Variants in RBPJ observed in about 807,000 individuals in gnomAD.
RBPJ encodes the protein recombination signal binding protein for immunoglobulin kappa J region.
Under a neutral mutation model 67.8 loss-of-function variants are expected in RBPJ, and 9 were observed. The ratio of observed to expected loss-of-function variants is 0.13; its 90% CI spans 0.08 to 0.23. The LOEUF (loss-of-function observed/expected upper bound fraction) is 0.23, where lower values mean the gene tolerates loss of function less well. Ranked by LOEUF, RBPJ falls within the 10% of genes least tolerant of loss-of-function variation. The pLI, the probability that RBPJ is intolerant of heterozygous loss-of-function variation, is 1.00. For synonymous variants in RBPJ, 198 were observed against 203.3 expected (o/e 0.97, Z 0.22); for missense variants, 305 against 595.6 (o/e 0.51, Z 5.08).
intron 1 of RBPJ, among the ~76,000 whole-genome samples, chr4:26,204,059 C>A (rs1718080847): frequency 6.6e-6 from 1 of 152,198 alleles, no homozygotes; most frequent in African/African-American, 2.4e-5. Context: ...ATCCTCCCGC[C>A]TCAGCCTCCC....
chr4:26,284,853 CT>C lies in RBPJ; in HGVS notation c.-166-77591del, dbSNP rs554776225. ...TCCTCCATCCCCAGAACAGGTTAAA[CT>C]TAACTTTTTTTTTTTCTTTTGAAAT... On this transcript the variant is annotated intron_variant, in intron 1 of 4. Transcript: ENST00000512351. Among the ~76,000 whole-genome samples the C allele has an allele frequency of 3.8e-3, 577 of 150,958 alleles. 1 individual carries two copies. The highest frequency in any genetic ancestry group is 6.8e-3 in the Middle Eastern group (2 of 292).
intron 1 of RBPJ, among the ~76,000 whole-genome samples, chr4:26,353,929 TTTTG>T (rs972380353): frequency 4.7e-5 from 7 of 150,442 alleles, no homozygotes; most frequent in Non-Finnish European, 7.4e-5. Flanking sequence ...TCTTTTGTTT[TTTTG>T]TTTGTTTGTT....
At chr4:26,107,481 ACAG>A in the RBPJ span, among the ~76,000 whole-genome samples, 1 of 152,260 alleles carries the variant, frequency 6.6e-6, no homozygotes, top group Non-Finnish European at 1.5e-5. Flanking sequence ...AAGACAACAC[ACAG>A]CAGACTTCAC....
At chr4:26,259,919 C>T (rs890719655) in intron 1 of RBPJ, among the ~76,000 whole-genome samples, 1 of 152,204 alleles carries the variant, frequency 6.6e-6, no homozygotes, top group African/African-American at 2.4e-5. Flanking sequence ...TTTCATGAAG[C>T]ATCTGTGATT....
At chr4:26,272,802 A>C (rs1440939462) in intron 1 of RBPJ, 1 of 434,264 alleles carries the variant, frequency 2.3e-6, no homozygotes, top group South Asian at 1.7e-5. Flanking sequence ...GATGGAGGAA[A>C]GTCCTATTGG....
At chr4:26,376,554 C>T (rs1474181759) in intron 1 of RBPJ, among the ~76,000 whole-genome samples, 1 of 152,152 alleles carries the variant, frequency 6.6e-6, no homozygotes, top group Non-Finnish European at 1.5e-5. Context: ...GAGTTGTTTT[C>T]CACCTTTTGG....
At chr4:26,109,466 A>C in the RBPJ span, among the ~76,000 whole-genome samples, 246 of 30,672 alleles carry the variant, frequency 8.0e-3, 15 homozygotes, top group African/African-American at 0.03. Flanking sequence ...CTCTCTATAT[A>C]TATATATATA....
chr4:26,184,762 G>A (rs1717166759), intron 1 of RBPJ, among the ~76,000 whole-genome samples: 1 of 152,200 alleles, frequency 6.6e-6, no homozygotes, highest in African/African-American at 2.4e-5. Context: ...GCATGGAAAA[G>A]TCCCATAGTT....
intron 1 of RBPJ, chr4:26,359,772 T>TCCCGTGAGCACCCC (rs887034368): frequency 2.0e-5 from 3 of 152,090 alleles, no homozygotes; most frequent in African/African-American, 7.2e-5. Flanking sequence ...ACCCTCGGCG[T>TCCCGTGAGCACCCC]CCCGTGAGCA....
At chr4:26,107,776 T>C in the RBPJ span, among the ~76,000 whole-genome samples, 1 of 152,186 alleles carries the variant, frequency 6.6e-6, no homozygotes, top group Non-Finnish European at 1.5e-5. Context: ...TGCACACCTG[T>C]AGTCCCAGCT....
chr4:26,389,414 G>A (rs1731264818), intron 2 of RBPJ, among the ~76,000 whole-genome samples: 1 of 151,322 alleles, frequency 6.6e-6, no homozygotes, highest in African/African-American at 2.4e-5. Flanking sequence ...CAGAGCAAGT[G>A]CTTTGAAGTG....
chr4:26,312,324 G>T (rs1389402401), intron 1 of RBPJ, among the ~76,000 whole-genome samples: 1 of 152,038 alleles, frequency 6.6e-6, no homozygotes, highest in Non-Finnish European at 1.5e-5. Context: ...GTAGAAACGG[G>T]GTTTCACTGT....
intron 4 of RBPJ, among the ~76,000 whole-genome samples, chr4:26,418,376 T>C (rs1425010969): frequency 6.6e-6 from 1 of 152,212 alleles, no homozygotes; most frequent in Non-Finnish European, 1.5e-5. Context: ...ATTTGAGTAG[T>C]TTGTGGTCAG....
At chr4:26,187,215 C>A (rs1172364843) in intron 1 of RBPJ, among the ~76,000 whole-genome samples, 1 of 152,186 alleles carries the variant, frequency 6.6e-6, no homozygotes, top group African/African-American at 2.4e-5. Context: ...GAGTGAGACC[C>A]TGTCTCGAAA....
chr4:26,162,354 A>C (rs1056001733), upstream of RBPJ, among the ~76,000 whole-genome samples: 1 of 152,254 alleles, frequency 6.6e-6, no homozygotes, highest in Admixed American at 6.5e-5. Context: ...TGTTCACTCT[A>C]CGGCAAGGCC....
chr4:26,222,753 T>C (rs963769157), intron 1 of RBPJ, among the ~76,000 whole-genome samples: 24 of 151,216 alleles, frequency 1.6e-4, no homozygotes, highest in African/African-American at 5.8e-4. Context: ...GCTGCCATCA[T>C]TATGGAGGCT....
upstream of RBPJ, among the ~76,000 whole-genome samples, chr4:26,158,945 T>TCTCTC (rs1716025420): frequency 2.5e-4 from 34 of 136,840 alleles, no homozygotes; most frequent in Middle Eastern, 3.8e-3. Flanking sequence ...CTCTCTCTCT[T>TCTCTC]TCTCTCTCTC....
At chr4:26,347,478 G>A (rs1288610278) in intron 1 of RBPJ, among the ~76,000 whole-genome samples, 1 of 152,198 alleles carries the variant, frequency 6.6e-6, no homozygotes, top group Non-Finnish European at 1.5e-5. Flanking sequence ...AGTTCTAGAA[G>A]GAGGTACACT....
At chr4:26,217,144 T>C (rs1320539846) in intron 1 of RBPJ, among the ~76,000 whole-genome samples, 1 of 152,124 alleles carries the variant, frequency 6.6e-6, no homozygotes, top group Non-Finnish European at 1.5e-5. Context: ...TACTGAACCT[T>C]GTCTCTCCCA....
Sources: gnomAD v4.1 joint callset for allele counts (sites outside exome capture counted in the v4.1 genomes callset) on GRCh38, gnomAD v4.1.1 for gene constraint, MANE v1.5 for transcripts, NCBI Gene and HGNC (gene_info 2026-07-23, HGNC 2026-07-21) for gene names.